WWTR1: variants seen among roughly 807,000 people sequenced by gnomAD.
WWTR1 encodes WW domain-containing transcription regulator protein 1.
In WWTR1, 13 loss-of-function variants were observed where a neutral mutation model predicts 40.1. The ratio of observed to expected loss-of-function variants is 0.32; its 90% CI spans 0.21 to 0.52. The LOEUF (loss-of-function observed/expected upper bound fraction) is 0.52. WWTR1 is among the 20% of genes least tolerant of loss of function. The pLI is 0.97. For synonymous variants in WWTR1, 230 were observed against 210.1 expected, an observed-to-expected ratio of 1.09 and a Z score of -0.82; for missense variants, 436 against 523.1, an observed-to-expected ratio of 0.83 and a Z score of 1.63.
chr3:149,559,309 A>AG (rs1553791296), intron 3 of WWTR1, among the ~76,000 whole-genome samples: 186 of 148,346 alleles, frequency 1.3e-3, no homozygotes, highest in East Asian at 4.4e-3. Context: ...AAAAAAAAAA[A>AG]AAAAGAAAAG....
intron 2 of WWTR1, among the ~76,000 whole-genome samples, chr3:149,604,841 G>C (rs1436603249): frequency 6.6e-6 from 1 of 152,240 alleles, no homozygotes; most frequent in Non-Finnish European, 1.5e-5. Flanking sequence ...ACCAGGCATA[G>C]AGAAAGGCCC....
At chr3:149,585,214 C>T (rs190532406) in intron 2 of WWTR1, among the ~76,000 whole-genome samples, 156 of 151,500 alleles carry the variant, frequency 1.0e-3, no homozygotes, top group African/African-American at 3.6e-3. Flanking sequence ...CTCACTGCAA[C>T]CTTCACTTCC....
chr3:149,640,431 GT>G (rs58567288), intron 2 of WWTR1, among the ~76,000 whole-genome samples: 1 of 151,860 alleles, frequency 6.6e-6, no homozygotes, highest in African/African-American at 2.4e-5. Flanking sequence ...TTTTGTTTTT[GT>G]TTTTTTGAAA....
chr3:149,713,801 T>C (rs1269958603), intron 5 of WWTR1, among the ~76,000 whole-genome samples: 2 of 152,136 alleles, frequency 1.3e-5, no homozygotes, highest in Non-Finnish European at 2.9e-5. Context: ...GGAGTGACAG[T>C]GGCAGCGGTG....
At chr3:149,670,881 T>A (rs1215870342) in intron 1 of WWTR1, 1 of 152,080 alleles carries the variant, frequency 6.6e-6, no homozygotes, top group Non-Finnish European at 1.5e-5. Flanking sequence ...AGATACACAT[T>A]CTGAAGAAAA....
chr3:149,540,810 A>G (rs970098449), intron 4 of WWTR1, among the ~76,000 whole-genome samples: 1 of 152,210 alleles, frequency 6.6e-6, no homozygotes, highest in Non-Finnish European at 1.5e-5. Flanking sequence ...TCAGCTGAGC[A>G]ACAAAGCACA....
At chr3:149,695,511 A>G (rs547661046) in intron 1 of WWTR1, among the ~76,000 whole-genome samples, 39 of 152,276 alleles carry the variant, frequency 2.6e-4, no homozygotes, top group African/African-American at 9.4e-4. Flanking sequence ...CTGTAATCAC[A>G]GCACTTTGGG....
chr3:149,653,876 C>G (rs1288063267), intron 2 of WWTR1, among the ~76,000 whole-genome samples: 3 of 152,168 alleles, frequency 2.0e-5, no homozygotes, highest in African/African-American at 7.2e-5. Context: ...CCTCAATTTT[C>G]TAGTCAAAAA....
At chr3:149,677,761 A>C (rs138903750) in intron 1 of WWTR1, among the ~76,000 whole-genome samples, 2,970 of 152,044 alleles carry the variant, frequency 0.02, 59 homozygotes, top group South Asian at 0.092. Context: ...AATCGCTTGA[A>C]TCTGGGAAGC....
At chr3:149,652,154 C>A (rs1712917239) in intron 2 of WWTR1, among the ~76,000 whole-genome samples, 1 of 151,704 alleles carries the variant, frequency 6.6e-6, no homozygotes, top group African/African-American at 2.4e-5. Flanking sequence ...TATGGATTTT[C>A]AACTTTAAGA....
chr3:149,720,401 G>A (rs1367325568), intron 4 of WWTR1, among the ~76,000 whole-genome samples: 3 of 152,082 alleles, frequency 2.0e-5, no homozygotes, highest in South Asian at 4.2e-4. Context: ...AATAATCATG[G>A]TTCCCTTACC....
intron 2 of WWTR1, among the ~76,000 whole-genome samples, chr3:149,620,815 C>T (rs1740234953): frequency 1.3e-5 from 2 of 152,162 alleles, no homozygotes; most frequent in Admixed American, 1.3e-4. Flanking sequence ...GGGAATAAAC[C>T]ACACCTCTAG....
intron 2 of WWTR1, among the ~76,000 whole-genome samples, chr3:149,615,652 T>G (rs1021667527): frequency 6.6e-6 from 1 of 152,244 alleles, no homozygotes; most frequent in Non-Finnish European, 1.5e-5. Flanking sequence ...TGCCCAGCAC[T>G]ATTTCTAGCA....
At chr3:149,719,010 G>A (rs1715679893) in intron 4 of WWTR1, among the ~76,000 whole-genome samples, 1 of 151,874 alleles carries the variant, frequency 6.6e-6, no homozygotes, top group African/African-American at 2.4e-5. Context: ...ATTTTTGGTA[G>A]AGATGGGATT....
At chr3:149,705,409 C>T (rs1476057402), upstream of WWTR1, among the ~76,000 whole-genome samples, 2 of 152,230 alleles carry the variant, frequency 1.3e-5, no homozygotes, top group East Asian at 3.9e-4. Context: ...GTATCAAGAC[C>T]AAGAATTCAA....
At chr3:149,525,878 G>C in intron 6 of WWTR1, 135 bp downstream of exon 6, 1 of 511,932 alleles carries the variant, frequency 2.0e-6, no homozygotes, top group Non-Finnish European at 3.2e-6. Context: ...TAGCAAACCT[G>C]CACATGTACC....
intron 2 of WWTR1, among the ~76,000 whole-genome samples, chr3:149,595,760 C>T (rs752598603): frequency 6.6e-6 from 1 of 152,140 alleles, no homozygotes; most frequent in African/African-American, 2.4e-5. Context: ...GGGCGAGGCG[C>T]GGTGGCCCAT....
intron 4 of WWTR1, among the ~76,000 whole-genome samples, chr3:149,535,920 T>C (rs1735810470): frequency 6.6e-6 from 1 of 151,860 alleles, no homozygotes; most frequent in Non-Finnish European, 1.5e-5. Flanking sequence ...GGCTGAGGCA[T>C]GAGAATCACT....
rs139489033 is a variant in WWTR1, at chr3:149,565,603, A to C, written c.568+7261T>G. On this transcript the variant is annotated intron_variant, in intron 3 of 6. Coordinates refer to ENST00000360632, the MANE Select transcript of WWTR1 (RefSeq NM_015472.6). ...ATTTCACATATTCCTTAAAAACCGTAAAAGAAAGGAACTATAAAGAATGTC... is the reference window on the plus strand; with the variant it reads ...ATTTCACATATTCCTTAAAAACCGTCAAAGAAAGGAACTATAAAGAATGTC... 2.5e-3 allele frequency among the ~76,000 whole-genome samples: 384 copies of C among 152,320 alleles called. 1 individual carries two copies. Among genetic ancestry groups the C allele is most frequent in the African/African-American group, 8.6e-3 (359 of 41,578 alleles).
Sources: allele counts gnomAD v4.1 joint callset (sites outside exome capture counted in the v4.1 genomes callset), GRCh38; gene constraint gnomAD v4.1.1; transcripts MANE v1.5; gene names NCBI Gene and HGNC (gene_info 2026-07-23, HGNC 2026-07-21).